The following AGBL1 variants were observed in gnomAD, a reference collection of about 807,000 sequenced individuals.
The protein encoded by AGBL1 is cytosolic carboxypeptidase 4.
In AGBL1, 130 loss-of-function variants were observed where a neutral mutation model predicts 118.9. The ratio of observed to expected loss-of-function variants is 1.09; its 90% confidence interval spans 0.95 to 1.26. The LOEUF (loss-of-function observed/expected upper bound fraction) is 1.26, where lower values mean the gene tolerates loss of function less well. Among genes scored for constraint, AGBL1 ranks in the 50% most tolerant of loss-of-function variants. AGBL1 has a pLI of 0.00. For synonymous variants in AGBL1, 555 were observed against 478.9 expected (o/e 1.16, Z -2.08); for missense variants, 1,584 against 1,298.1 (o/e 1.22, Z -3.38).
intron 16 of AGBL1, among the ~76,000 whole-genome samples, chr15:86,281,161 A>T (rs2079346660): frequency 6.6e-6 from 1 of 152,136 alleles, no homozygotes; most frequent in African/African-American, 2.4e-5. Flanking sequence ...AGATGAGAGG[A>T]TTGCTTGAGC....
chr15:86,312,978 C>T (rs921015451), intron 17 of AGBL1, among the ~76,000 whole-genome samples: 6 of 152,176 alleles, frequency 3.9e-5, no homozygotes, highest in East Asian at 3.8e-4. Context: ...AGGATTTATG[C>T]GTCGTTGTAA....
intron 21 of AGBL1, among the ~76,000 whole-genome samples, chr15:86,569,382 A>G (rs1054470137): frequency 2.0e-5 from 3 of 151,368 alleles, no homozygotes; most frequent in Non-Finnish European, 4.4e-5. Flanking sequence ...GCAACAGAGC[A>G]AGACCTGTCT....
intron 17 of AGBL1, among the ~76,000 whole-genome samples, chr15:86,388,228 C>T (rs1446602107): frequency 6.6e-6 from 1 of 152,130 alleles, no homozygotes; most frequent in African/African-American, 2.4e-5. Flanking sequence ...CCGTGATTAC[C>T]TGCACTTTCT....
downstream of AGBL1, among the ~76,000 whole-genome samples, chr15:87,031,400 G>C (rs73450878): frequency 0.087 from 13,264 of 151,592 alleles, 1,972 homozygotes; most frequent in African/African-American, 0.3. Context: ...CTCCCTTATT[G>C]TATTAAGATA....
chr15:86,657,107 T>A (rs143822617), intron 21 of AGBL1, among the ~76,000 whole-genome samples: 171 of 152,280 alleles, frequency 1.1e-3, no homozygotes, highest in African/African-American at 3.9e-3. Flanking sequence ...TCCTCGTTTC[T>A]CAGTGTGATT....
chr15:86,415,247 A>C (rs1469393769), intron 18 of AGBL1, among the ~76,000 whole-genome samples: 1 of 152,128 alleles, frequency 6.6e-6, no homozygotes, highest in Non-Finnish European at 1.5e-5. Context: ...CCCCAGGGAA[A>C]GAAGATCCCT....
rs145380817 is a variant in AGBL1 at position 87,011,284 on chromosome 15, G to A, written c.3324-17541G>A. On this transcript the variant is annotated intron_variant, in intron 24 of 24. Coordinates refer to the AGBL1 transcript ENST00000441037. ...ACCTGAATGGTTGCATGGAGAAGAGGCCCACTCCCACACTATCTAAATTTG... is the reference window on the plus strand; with the variant it reads ...ACCTGAATGGTTGCATGGAGAAGAGACCCACTCCCACACTATCTAAATTTG... 4.6e-5 allele frequency among the ~76,000 whole-genome samples: 7 copies of A among 152,264 alleles called. No individual in the cohort carries two copies. The East Asian group carries it at 1.4e-3, about 29-fold the overall frequency.
intron 22 of AGBL1, among the ~76,000 whole-genome samples, chr15:86,694,446 G>T (rs1247047378): frequency 6.6e-6 from 1 of 152,034 alleles, no homozygotes; most frequent in Non-Finnish European, 1.5e-5. Context: ...CATTAATTTT[G>T]TATCCTGAAA....
intron 16 of AGBL1, among the ~76,000 whole-genome samples, chr15:86,289,278 T>A (rs1035424341): frequency 6.6e-6 from 1 of 152,194 alleles, no homozygotes; most frequent in African/African-American, 2.4e-5. Context: ...TTTCCATGCC[T>A]CACCGCTGTT....
intron 1 of AGBL1, among the ~76,000 whole-genome samples, chr15:86,084,699 C>T (rs748812766): frequency 3.3e-5 from 5 of 152,194 alleles, no homozygotes; most frequent in African/African-American, 4.8e-5. Context: ...TAACTGATAT[C>T]ATCTCCCACT....
At chr15:86,577,399 G>T (rs1232206129) in intron 21 of AGBL1, among the ~76,000 whole-genome samples, 1 of 152,122 alleles carries the variant, frequency 6.6e-6, no homozygotes, top group Non-Finnish European at 1.5e-5. Flanking sequence ...TGCTGTTAAA[G>T]ACATTCAGTT....
chr15:86,639,840 T>G (rs1282490201), intron 21 of AGBL1, among the ~76,000 whole-genome samples: 1 of 152,178 alleles, frequency 6.6e-6, no homozygotes, highest in Non-Finnish European at 1.5e-5. Flanking sequence ...ATTTTCAGCC[T>G]CATCACATTA....
At position 86,142,334 on chromosome 15, in the gene AGBL1, G is replaced by A. The variant is rs552159120; in HGVS notation, c.115+267G>A. Among the ~76,000 whole-genome samples the A allele has an allele frequency of 3.6e-4, 55 of 152,252 alleles. No homozygotes were observed. The South Asian group carries it at 9.1e-3, about 25-fold the overall frequency. The stretch of plus-strand genomic sequence containing the variant: ...CCTCCGTGGTTCTACCCCTCTTCTC[G>A]CCCTGCTCGCTTCCATTGTGACCTA... On this transcript the variant is annotated intron_variant, in intron 2 of 22. Coordinates refer to ENST00000614907, the MANE Select transcript of AGBL1 (RefSeq NM_001386094.1).
chr15:86,859,034 C>T (rs554996071), intron 22 of AGBL1, among the ~76,000 whole-genome samples: 2 of 152,320 alleles, frequency 1.3e-5, no homozygotes, highest in South Asian at 4.1e-4. Context: ...CAAGACTAGG[C>T]TCAACTGCTG....
At chr15:86,277,428 G>A (rs565490930) in intron 15 of AGBL1, among the ~76,000 whole-genome samples, 1 of 152,068 alleles carries the variant, frequency 6.6e-6, no homozygotes, top group Non-Finnish European at 1.5e-5. Context: ...GCCCATGGAA[G>A]CTCAAGAGCT....
At chr15:86,725,670 A>G (rs971928844) in intron 22 of AGBL1, among the ~76,000 whole-genome samples, 1 of 152,164 alleles carries the variant, frequency 6.6e-6, no homozygotes, top group Non-Finnish European at 1.5e-5. Flanking sequence ...GTTTCTTTCT[A>G]CTGGTAGGTA....
At chr15:86,998,606 T>G (rs551713854) in intron 24 of AGBL1, among the ~76,000 whole-genome samples, 1 of 152,142 alleles carries the variant, frequency 6.6e-6, no homozygotes, top group Non-Finnish European at 1.5e-5. Flanking sequence ...CTCCAATAAG[T>G]TTGTTAATTT....
rs140814498 is a variant in AGBL1 at position 86,497,842 on chromosome 15, G to A, written c.2556-24968G>A. ...TTGCTTCCTTTTGGCACATAAGTTTGAGGGATCTCTGAACTGCTAAATCAC... is the reference window on the plus strand; with the variant it reads ...TTGCTTCCTTTTGGCACATAAGTTTAAGGGATCTCTGAACTGCTAAATCAC... On this transcript the variant is annotated intron_variant, in intron 18 of 22. Coordinates refer to ENST00000614907, the MANE Select transcript of AGBL1 (RefSeq NM_001386094.1). 9.3e-4 allele frequency among the ~76,000 whole-genome samples: 142 copies of A among 151,988 alleles called. 2 individuals carry two copies. Among genetic ancestry groups the A allele is most frequent in the Admixed American group, 7.7e-3 (117 of 15,214 alleles).
At chr15:86,520,120 T>C (rs1401387637) in intron 18 of AGBL1, among the ~76,000 whole-genome samples, 1 of 152,070 alleles carries the variant, frequency 6.6e-6, no homozygotes, top group African/African-American at 2.4e-5. Context: ...GATTATTCTT[T>C]ATAAGAAAAA....
Sources: gnomAD v4.1 joint callset for allele counts (sites outside exome capture counted in the v4.1 genomes callset) on GRCh38, gnomAD v4.1.1 for gene constraint, MANE v1.5 for transcripts, NCBI Gene and HGNC (gene_info 2026-07-23, HGNC 2026-07-21) for gene names.